Variants in SYTL3 observed in about 807,000 individuals in gnomAD.
The protein encoded by SYTL3 is synaptotagmin like 3.
SYTL3 carries 88 observed loss-of-function variants against 82.1 expected under a neutral mutation model. The observed-to-expected ratio is 1.07, with a 90% CI of 0.90 to 1.28. SYTL3 has a LOEUF of 1.28. Ranked by LOEUF, SYTL3 falls within the 50% of genes most tolerant of loss-of-function variation. SYTL3 has a pLI of 0.00. For synonymous variants in SYTL3, 311 were observed against 289.4 expected, an observed-to-expected ratio of 1.07 and a Z score of -0.76; for missense variants, 831 against 757.6, an observed-to-expected ratio of 1.10 and a Z score of -1.14.
intron 12 of SYTL3, among the ~76,000 whole-genome samples, chr6:158,751,331 G>C (rs1046315078): frequency 6.6e-6 from 1 of 152,264 alleles, no homozygotes; most frequent in East Asian, 1.9e-4. Flanking sequence ...GGCCTGTATG[G>C]AGGGGTCAGC....
intron 12 of SYTL3, among the ~76,000 whole-genome samples, chr6:158,748,327 T>G (rs1421620725): frequency 6.6e-6 from 1 of 152,208 alleles, no homozygotes; most frequent in Non-Finnish European, 1.5e-5. Context: ...TACACATTTC[T>G]ATAGCACTTG....
chr6:158,724,023 C>A (rs117906718), intron 10 of SYTL3, among the ~76,000 whole-genome samples: 4,663 of 152,328 alleles, frequency 0.031, 96 homozygotes, highest in Middle Eastern at 0.065. Context: ...GCCTCAGCAT[C>A]CTCTCGGGTG....
rs61526522 is a variant in SYTL3 at position 158,682,355 on chromosome 6, C to CTTTTT, written c.330-552_330-548dup. 4.7e-3 allele frequency among the ~76,000 whole-genome samples: 501 copies of CTTTTT among 106,802 alleles called. 21 individuals are homozygous for CTTTTT. Among genetic ancestry groups the CTTTTT allele is most frequent in the African/African-American group, 0.011 (251 of 23,592 alleles). The allele number at this position is 106,802 out of a possible 152,430, so 70.1% of individuals were successfully genotyped here. On this transcript the variant is annotated intron_variant, in intron 5 of 17. Transcript: ENST00000611299. ...TATATGTTAATATGCTTAACATTCACTTTTTTTTTTTTTTTTTTTTTTGAG... is the reference window on the plus strand; with the variant it reads ...TATATGTTAATATGCTTAACATTCACTTTTTTTTTTTTTTTTTTTTTTTTTTTGAG...
In SYTL3 at chr6:158,764,870, T is replaced by TAA; in HGVS notation, c.*266_*267insAA. On this transcript the variant is annotated 3_prime_UTR_variant, in exon 18 of 18. Transcript: ENST00000611299. ...ATTTTAATAAACGTTGTTACCCATG[T>TAA]CCTCCAGTGCTTATCAAATGAGGTA... is the stretch of plus-strand genomic sequence containing the variant. 1 of 362,362 alleles carries TAA rather than the reference T, an allele frequency of 2.8e-6. No homozygotes were observed. The highest frequency in any genetic ancestry group is 5.1e-6 in the Non-Finnish European group (1 of 197,460). The allele number at this position is 362,362 out of a possible 1,614,324, so 22.4% of individuals were successfully genotyped here.
chr6:158,764,515 G>A lies in SYTL3; in HGVS notation c.1744G>A (p.Gly582Arg), dbSNP rs147096253. 6.5e-5 allele frequency: 105 copies of A among 1,613,780 alleles called. No homozygotes were observed. Among genetic ancestry groups the A allele is most frequent in the South Asian group, 2.2e-4 (20 of 91,074 alleles). Reference sequence around the variant, plus strand: ...TACAGAGGGAGACACAGCTGTTGGCGGGGATGCATGCTCACTATCGAAGCT... The same window carrying A: ...TACAGAGGGAGACACAGCTGTTGGCAGGGATGCATGCTCACTATCGAAGCT... ...LGSKGDTAVGGDACSLSKLQW... is the reference protein window; with the variant it reads ...LGSKGDTAVGRDACSLSKLQW... Residue 582 changes from glycine to arginine, a missense_variant, in exon 18 of 18, where the codon GGG becomes AGG. Coordinates refer to ENST00000611299, the MANE Select transcript of SYTL3 (RefSeq NM_001242394.2).
At chr6:158,677,881 G>C (rs142307199) in intron 5 of SYTL3, among the ~76,000 whole-genome samples, 12 of 152,130 alleles carry the variant, frequency 7.9e-5, no homozygotes, top group African/African-American at 2.9e-4. Context: ...TGCTGCTTTT[G>C]TTGTTGTTGT....
At chr6:158,700,138 C>G (rs1781015746) in intron 6 of SYTL3, among the ~76,000 whole-genome samples, 1 of 151,956 alleles carries the variant, frequency 6.6e-6, no homozygotes, top group Non-Finnish European at 1.5e-5. Context: ...TGCCTGTAAT[C>G]CCAGCTACTT....
At chr6:158,726,523 G>C (rs1784734472) in intron 11 of SYTL3, 1 of 192,132 alleles carries the variant, frequency 5.2e-6, no homozygotes, top group Non-Finnish European at 1.1e-5. Flanking sequence ...TAGAGATCCA[G>C]CGGACTGAAT....
chr6:158,646,842 C>G (rs912229781), upstream of SYTL3, among the ~76,000 whole-genome samples: 1 of 152,198 alleles, frequency 6.6e-6, no homozygotes, highest in Non-Finnish European at 1.5e-5. Context: ...GCCTGCCCTT[C>G]TCAGTATCAC....
chr6:158,758,920 C>T (rs552735546), intron 14 of SYTL3, among the ~76,000 whole-genome samples: 159 of 152,330 alleles, frequency 1.0e-3, no homozygotes, highest in African/African-American at 3.6e-3. Flanking sequence ...GCCCCAGCCA[C>T]GTTGCGGGTG....
intron 5 of SYTL3, among the ~76,000 whole-genome samples, chr6:158,680,575 C>CAAAAAAAAA (rs71297002): frequency 0.046 from 3,578 of 77,968 alleles, 117 homozygotes; most frequent in Non-Finnish European, 0.067. Flanking sequence ...CCCGTCTCTA[C>CAAAAAAAAA]AAAAAAAAAA....
chr6:158,679,949 T>C (rs1363736671), intron 5 of SYTL3, among the ~76,000 whole-genome samples: 11 of 152,162 alleles, frequency 7.2e-5, no homozygotes, highest in Admixed American at 1.3e-4. Flanking sequence ...GTCTCAGATA[T>C]GGATATTTTG....
At chr6:158,673,353 G>A (rs1029531509) in intron 5 of SYTL3, among the ~76,000 whole-genome samples, 2 of 151,738 alleles carry the variant, frequency 1.3e-5, no homozygotes, top group Admixed American at 6.6e-5. Flanking sequence ...TTTTTATTTC[G>A]GTTTAACTCA....
At chr6:158,697,093 TTAACCCAAAA>T (rs769755503) in intron 6 of SYTL3, among the ~76,000 whole-genome samples, 47 of 151,422 alleles carry the variant, frequency 3.1e-4, no homozygotes, top group Non-Finnish European at 6.6e-4. Context: ...TATATAAAAA[TTAACCCAAAA>T]TGCATCAAAT....
At chr6:158,653,226 G>A (rs536001064) in intron 2 of SYTL3, among the ~76,000 whole-genome samples, 2 of 152,130 alleles carry the variant, frequency 1.3e-5, no homozygotes, top group East Asian at 1.9e-4. Flanking sequence ...ATGCAAGCAG[G>A]CCGGTCGCAG....
Position 158,762,189 on chromosome 6 carries a change from G to A in SYTL3, c.1517+11G>A, listed in dbSNP as rs776915790. On this transcript the variant is annotated intron_variant, in intron 16 of 17. Transcript: ENST00000611299. ...CTCATTTGTTAAGGGGTAGGTATTCGATGTAATCAAATATTTATTGGTGAT... is the reference window on the plus strand; with the variant it reads ...CTCATTTGTTAAGGGGTAGGTATTCAATGTAATCAAATATTTATTGGTGAT... The A allele has an allele frequency of 1.3e-5, 21 of 1,589,688 alleles. No individual in the cohort carries two copies. Among genetic ancestry groups the A allele is most frequent in the South Asian group, 7.7e-5 (7 of 90,432 alleles).
intron 5 of SYTL3, among the ~76,000 whole-genome samples, chr6:158,677,591 G>A (rs1362545513): frequency 6.6e-6 from 1 of 151,346 alleles, no homozygotes; most frequent in Non-Finnish European, 1.5e-5. Context: ...TGTAACCCCA[G>A]CTACTTGGGA....
At position 158,663,034 on chromosome 6, in the gene SYTL3, G is replaced by A. The variant is rs1042569841; in HGVS notation, c.-235G>A. 2.4e-6 allele frequency: 1 copy of A among 419,958 alleles called. No homozygotes were observed. The highest frequency in any genetic ancestry group is 2.0e-5 in the African/African-American group (1 of 49,410). The allele number at this position is 419,958 out of a possible 1,614,324, so 26.0% of individuals were successfully genotyped here. A position where few individuals can be genotyped will look rare whatever the true frequency, so the allele number is the denominator to read the frequency against. ...CACCCCCCGGGTAGCACGAGGCTCTGCGAGCCGTAACTCCGACAAACGCAG... is the reference window on the plus strand; with the variant it reads ...CACCCCCCGGGTAGCACGAGGCTCTACGAGCCGTAACTCCGACAAACGCAG... On this transcript the variant is annotated 5_prime_UTR_variant, in exon 4 of 18. Coordinates refer to ENST00000611299, the MANE Select transcript of SYTL3 (RefSeq NM_001242394.2).
intron 11 of SYTL3, among the ~76,000 whole-genome samples, chr6:158,732,697 GACTT>G (rs1228092691): frequency 2.6e-5 from 4 of 152,162 alleles, no homozygotes; most frequent in Non-Finnish European, 5.9e-5. Context: ...GTACCTTAAA[GACTT>G]AATAGGATGC....
Sources: gnomAD v4.1 joint callset for allele counts (sites outside exome capture counted in the v4.1 genomes callset) on GRCh38, gnomAD v4.1.1 for gene constraint, MANE v1.5 for transcripts, NCBI Gene and HGNC (gene_info 2026-07-23, HGNC 2026-07-21) for gene names.